Variants in IMPA2 observed in about 807,000 individuals in gnomAD.
IMPA2 encodes the protein IMP 2.
IMPA2 carries 32 observed loss-of-function variants against 35.1 expected under a neutral mutation model. That is an observed-to-expected ratio of 0.91 (90% confidence interval 0.69 to 1.23). The LOEUF is 1.23. Among genes scored for constraint, IMPA2 ranks in the 50% most tolerant of loss-of-function variants. The probability of loss-of-function intolerance (pLI) is 0.00; values close to 1 mark genes in which losing one functional copy is unlikely to be tolerated. For missense variants in IMPA2, 334 were observed against 387.6 expected (o/e 0.86, Z 1.16); for synonymous variants, 135 against 160.6 (o/e 0.84, Z 1.20).
chr18:12,021,184 AAGTTTGAG>A (rs746671555), intron 5 of IMPA2, among the ~76,000 whole-genome samples: 15 of 152,154 alleles, frequency 9.9e-5, no homozygotes, highest in Non-Finnish European at 1.8e-4. Flanking sequence ...TTGAGAGCAG[AAGTTTGAG>A]ACCAGCCTGG....
chr18:11,988,001 CTTTTTTTTTTTT>C (rs71172043), intron 1 of IMPA2, among the ~76,000 whole-genome samples: 1 of 101,862 alleles, frequency 9.8e-6, no homozygotes, highest in African/African-American at 3.8e-5. Context: ...TGTTTATTGG[CTTTTTTTTTTTT>C]TTTTTTTTTT....
intron 1 of IMPA2, among the ~76,000 whole-genome samples, chr18:11,996,685 CCAGAAATG>C (rs1038059577): frequency 5.9e-5 from 9 of 152,148 alleles, no homozygotes; most frequent in African/African-American, 2.2e-4. Flanking sequence ...ATAGAGCTTA[CCAGAAATG>C]CAGCTCTCAG....
rs1200723195 is a variant in IMPA2 at position 11,991,138 on chromosome 18, G to A, written c.97-7916G>A. ...AGGGAGATGAGCCGCAGAATGGTGG[G>A]GAGATAGGAGGAAAGCCACGAGGGG... On this transcript the variant is annotated intron_variant, in intron 1 of 7. Transcript: ENST00000269159. The surrounding 1 kb of genome is among the most constrained non-coding windows in gnomAD (Gnocchi z 4.1). Among the ~76,000 whole-genome samples the A allele has an allele frequency of 6.6e-6, 1 of 152,182 alleles. No individual in the cohort carries two copies. Among genetic ancestry groups the A allele is most frequent in the Admixed American group, 6.5e-5 (1 of 15,280 alleles).
chr18:12,029,117 T>G (rs1045995456), intron 7 of IMPA2, 124 bp downstream of exon 7: 42 of 890,470 alleles, frequency 4.7e-5, no homozygotes, highest in Middle Eastern at 2.3e-4. Context: ...TGTTTTTTTT[T>G]TTTTTTTTTT....
At chr18:12,029,122 T>TTG in intron 7 of IMPA2, 129 bp downstream of exon 7, 1 of 918,584 alleles carries the variant, frequency 1.1e-6, no homozygotes, top group Non-Finnish European at 1.6e-6. Context: ...TTTTTTTTTT[T>TTG]TTTTTTTTTT....
At chr18:11,982,399 C>G (rs1475089976) in intron 1 of IMPA2, among the ~76,000 whole-genome samples, 1 of 152,220 alleles carries the variant, frequency 6.6e-6, no homozygotes, top group Non-Finnish European at 1.5e-5. Context: ...CCACTTTCCT[C>G]AGTACCTTTA....
chr18:11,996,895 TAC>T (rs987428318), intron 1 of IMPA2, among the ~76,000 whole-genome samples: 1 of 149,872 alleles, frequency 6.7e-6, no homozygotes, highest in African/African-American at 2.5e-5. Context: ...CACCCAGAGA[TAC>T]ACACAGAGAC....
chr18:11,993,672 T>A (rs1906876798), intron 1 of IMPA2, among the ~76,000 whole-genome samples: 1 of 152,098 alleles, frequency 6.6e-6, no homozygotes, highest in South Asian at 2.1e-4. Flanking sequence ...GCCAGGGCAG[T>A]GGGCGGACGG....
Position 12,010,682 on chromosome 18 carries a change from C to G in IMPA2, c.335+695C>G, listed in dbSNP as rs1024301486. Among the ~76,000 whole-genome samples the G allele has an allele frequency of 2.0e-5, 3 of 152,150 alleles. No homozygotes were observed. The highest frequency in any genetic ancestry group is 7.2e-5 in the African/African-American group (3 of 41,428). ...AGCTCTGGAGAACCCTGGAGAGATT[C>G]CCATTCCATGGGCGGGTGGCTTGCA... On this transcript the variant is annotated intron_variant, in intron 3 of 7. Transcript: ENST00000269159. This position sits in a 1 kb window ranked among gnomAD's most constrained non-coding sequence, Gnocchi z 4.8.
intron 5 of IMPA2, among the ~76,000 whole-genome samples, chr18:12,027,283 C>A (rs969333569): frequency 6.6e-6 from 1 of 152,212 alleles, no homozygotes; most frequent in Non-Finnish European, 1.5e-5. Context: ...CCGGTCACGT[C>A]CTGCCCTGAG....
At chr18:12,024,881 G>A (rs1002881652) in intron 5 of IMPA2, among the ~76,000 whole-genome samples, 15 of 152,128 alleles carry the variant, frequency 9.9e-5, no homozygotes, top group Non-Finnish European at 1.3e-4. Flanking sequence ...CATCAGCATC[G>A]CGTACAGAAT....
In IMPA2 at chr18:12,002,659, C is replaced by T. The variant is rs181228238; in HGVS notation, c.230+3472C>T. Among the ~76,000 whole-genome samples, 708 of 151,328 alleles carry T rather than the reference C, an allele frequency of 4.7e-3. 3 individuals carry two copies. Among genetic ancestry groups the T allele is most frequent in the Non-Finnish European group, 8.2e-3 (557 of 67,906 alleles). ...GCATGCTGGTGCACGCTTATGCTCC[C>T]AGCTACTTGGAAGGCTGAGGTGAGA... On this transcript the variant is annotated intron_variant, in intron 2 of 7. Transcript: ENST00000269159.
At chr18:12,019,007 G>T (rs1028269747) in intron 5 of IMPA2, among the ~76,000 whole-genome samples, 2 of 151,688 alleles carry the variant, frequency 1.3e-5, no homozygotes, top group Admixed American at 6.6e-5. Flanking sequence ...AAATATTTTT[G>T]TAGAGACAGG....
chr18:12,010,252 A>G lies in IMPA2; in HGVS notation c.335+265A>G, dbSNP rs1357643014. The G allele has an allele frequency of 6.1e-5, 24 of 393,654 alleles. No individual in the cohort carries two copies. The highest frequency in any genetic ancestry group is 9.2e-6 in the Non-Finnish European group (2 of 216,832). 24.4% of individuals were successfully genotyped at this position (393,654 alleles called of 1,614,324 possible). A position where few individuals can be genotyped will look rare whatever the true frequency, so the allele number is the denominator to read the frequency against. On this transcript the variant is annotated intron_variant, in intron 3 of 7. Transcript: ENST00000269159. The surrounding 1 kb of genome is among the most constrained non-coding windows in gnomAD (Gnocchi z 4.8). The stretch of plus-strand genomic sequence containing the variant: ...TTAAAAATGTTGGGTTGCATTTAAC[A>G]AGGACCCCTTGAAGGAGTCTGACTC...
At chr18:12,018,984 C>T (rs780713467) in intron 5 of IMPA2, among the ~76,000 whole-genome samples, 10 of 151,650 alleles carry the variant, frequency 6.6e-5, no homozygotes, top group African/African-American at 1.9e-4. Context: ...CCACCATGCC[C>T]GGATAATTTA....
chr18:12,009,259 A>T (rs574042348), intron 2 of IMPA2, among the ~76,000 whole-genome samples: 2 of 152,202 alleles, frequency 1.3e-5, no homozygotes, highest in African/African-American at 4.8e-5. Flanking sequence ...TGGGCAACAG[A>T]TCAAGACCCT....
At chr18:12,008,290 C>T (rs1442776681) in intron 2 of IMPA2, 6 of 512,130 alleles carry the variant, frequency 1.2e-5, no homozygotes, top group Non-Finnish European at 2.3e-5. Context: ...GCCACCGCGC[C>T]TTGCTTGTTT....
intron 2 of IMPA2, among the ~76,000 whole-genome samples, chr18:12,000,130 CA>C (rs1273638957): frequency 2.6e-5 from 4 of 152,138 alleles, no homozygotes; most frequent in African/African-American, 9.7e-5. Context: ...CCTCAGTGTC[CA>C]TTCAGCACAT....
chr18:11,995,660 C>T (rs1462233589), intron 1 of IMPA2, among the ~76,000 whole-genome samples: 1 of 152,050 alleles, frequency 6.6e-6, no homozygotes, highest in Non-Finnish European at 1.5e-5. Context: ...TCTGGCTGTG[C>T]CGGGAGAGTG....
Sources: allele counts gnomAD v4.1 joint callset (sites outside exome capture counted in the v4.1 genomes callset), GRCh38; gene constraint gnomAD v4.1.1; non-coding constraint Gnocchi (gnomAD v3.1); transcripts MANE v1.5; gene names NCBI Gene and HGNC (gene_info 2026-07-23, HGNC 2026-07-21).